RANBP3L: variants seen among roughly 807,000 people sequenced by gnomAD.
RANBP3L encodes ran-binding protein 3-like.
In RANBP3L, 56 loss-of-function variants were observed where a neutral mutation model predicts 67.2. The observed-to-expected ratio is 0.83, with a 90% CI of 0.67 to 1.04. The LOEUF is 1.04. Ranked by LOEUF, RANBP3L falls within the 50% of genes least tolerant of loss-of-function variation. RANBP3L has a pLI of 0.00. For synonymous variants in RANBP3L, 164 were observed against 181.4 expected (o/e 0.90, Z 0.77); for missense variants, 496 against 535.5 (o/e 0.93, Z 0.73).
chr5:36,275,714 A>G (rs1412095219), intron 1 of RANBP3L, among the ~76,000 whole-genome samples: 2 of 152,206 alleles, frequency 1.3e-5, no homozygotes, highest in East Asian at 3.8e-4. Flanking sequence ...GACAAGTGGT[A>G]ACTGACTTTG....
intron 1 of RANBP3L, among the ~76,000 whole-genome samples, chr5:36,291,600 C>G (rs1032773036): frequency 6.6e-6 from 1 of 151,792 alleles, no homozygotes; most frequent in Non-Finnish European, 1.5e-5. Context: ...CTTCCTGTGT[C>G]CATGTGTTTT....
chr5:36,289,444 A>C (rs774923929), intron 1 of RANBP3L, among the ~76,000 whole-genome samples: 5 of 152,176 alleles, frequency 3.3e-5, no homozygotes, highest in Non-Finnish European at 7.4e-5. Flanking sequence ...AATCTGCTGT[A>C]ATTTTTATTG....
chr5:36,291,165 T>C (rs1323290503), intron 1 of RANBP3L, among the ~76,000 whole-genome samples: 1 of 151,866 alleles, frequency 6.6e-6, no homozygotes, highest in Non-Finnish European at 1.5e-5. Flanking sequence ...TCCAGAACTC[T>C]TTTCATCTTG....
chr5:36,271,276 CA>C lies in RANBP3L; in HGVS notation c.126del (p.Phe42LeufsTer49). The C allele has an allele frequency of 6.3e-7, 1 of 1,588,738 alleles. No individual in the cohort carries two copies. The highest frequency in any genetic ancestry group is 8.6e-7 in the Non-Finnish European group (1 of 1,158,874). ...KSVIAQPIFV[F>X]EKGEQTFKRP... ...ACCTTAAAAGTTTGTTCTCCCTTTT[CA>C]AAAACAAATATGGGTTGAGCAATGA... On this transcript the variant is annotated frameshift_variant, in exon 2 of 14. Coordinates refer to ENST00000296604, the MANE Select transcript of RANBP3L (RefSeq NM_145000.5). LOFTEE classifies it high-confidence loss of function.
intron 1 of RANBP3L, among the ~76,000 whole-genome samples, chr5:36,300,229 C>G (rs892011888): frequency 1.6e-4 from 24 of 152,160 alleles, no homozygotes; most frequent in Non-Finnish European, 1.5e-5. Flanking sequence ...TTCTAGGGTA[C>G]TTGGTTCAAA....
chr5:36,251,153 A>T (rs1057024824), intron 13 of RANBP3L, among the ~76,000 whole-genome samples, 160 bp downstream of exon 13: 1 of 152,114 alleles, frequency 6.6e-6, no homozygotes, highest in African/African-American at 2.4e-5. Context: ...GAAGACAGTG[A>T]TTTTCAAACC....
At chr5:36,286,891 T>A (rs1401536981) in intron 1 of RANBP3L, among the ~76,000 whole-genome samples, 2 of 152,192 alleles carry the variant, frequency 1.3e-5, no homozygotes, top group African/African-American at 2.4e-5. Context: ...AGGTCTTCCC[T>A]GAGCACCCTG....
chr5:36,251,946 A>G (rs1406227450), intron 12 of RANBP3L, among the ~76,000 whole-genome samples: 1 of 152,152 alleles, frequency 6.6e-6, no homozygotes, highest in Non-Finnish European at 1.5e-5. Flanking sequence ...GTATTGTACC[A>G]TAAATACAGC....
intron 1 of RANBP3L, among the ~76,000 whole-genome samples, chr5:36,295,164 A>G (rs772121942): frequency 1.8e-4 from 27 of 151,960 alleles, no homozygotes; most frequent in Non-Finnish European, 3.7e-4. Flanking sequence ...GCAGGGTAAC[A>G]TAGTAATTCT....
At chr5:36,256,571 G>A (rs11745827) in intron 10 of RANBP3L, among the ~76,000 whole-genome samples, 48,426 of 151,902 alleles carry the variant, frequency 0.32, 8,967 homozygotes, top group South Asian at 0.49. Context: ...GAAGGAAAAC[G>A]AAATTCTTAT....
At chr5:36,288,660 A>G (rs1392293713) in intron 1 of RANBP3L, among the ~76,000 whole-genome samples, 1 of 152,088 alleles carries the variant, frequency 6.6e-6, no homozygotes, top group Non-Finnish European at 1.5e-5. Context: ...AATTTTAGCC[A>G]TTCTAGTGGA....
chr5:36,262,449 A>T lies in RANBP3L; in HGVS notation c.481-407T>A, dbSNP rs2362979. 3.9e-5 allele frequency among the ~76,000 whole-genome samples: 6 copies of T among 152,146 alleles called. No homozygotes were observed. In the South Asian group the frequency reaches 1.2e-3, roughly 32 times the overall value. On this transcript the variant is annotated intron_variant, in intron 6 of 13. Coordinates refer to ENST00000296604, the MANE Select transcript of RANBP3L (RefSeq NM_145000.5). ...TGGGAAACACCCTAAGAATGTCACC[A>T]TCCTAGTCACCCAATGTGAGAGAAA...
At chr5:36,284,865 TA>T (rs1435360459) in intron 1 of RANBP3L, among the ~76,000 whole-genome samples, 1 of 152,172 alleles carries the variant, frequency 6.6e-6, no homozygotes, top group Non-Finnish European at 1.5e-5. Flanking sequence ...ATATAGAAAT[TA>T]ACCAGTGATT....
intron 1 of RANBP3L, among the ~76,000 whole-genome samples, chr5:36,292,745 G>A (rs1164059027): frequency 6.6e-6 from 1 of 151,984 alleles, no homozygotes; most frequent in Non-Finnish European, 1.5e-5. Flanking sequence ...GCTCTGTTCT[G>A]TTCCATTGAT....
intron 13 of RANBP3L, 120 bp downstream of exon 13, chr5:36,251,193 T>C: frequency 2.7e-6 from 2 of 745,350 alleles, no homozygotes; most frequent in Non-Finnish European, 4.1e-6. Flanking sequence ...ACTAAGGCTC[T>C]AGCCACCACT....
intron 1 of RANBP3L, among the ~76,000 whole-genome samples, chr5:36,291,906 G>A (rs1490492403): frequency 1.5e-5 from 2 of 135,434 alleles, no homozygotes; most frequent in African/African-American, 5.6e-5. Flanking sequence ...AGTCCTTTGG[G>A]TATATACCCA....
intron 9 of RANBP3L, 38 bp from the exon 10 acceptor site, chr5:36,257,109 AT>A (rs776844849): frequency 6.4e-7 from 1 of 1,573,998 alleles, no homozygotes; most frequent in Non-Finnish European, 8.6e-7. Flanking sequence ...AAAAGTCCCC[AT>A]TTTCTCTACT....
chr5:36,261,544 A>G (rs1256066339), intron 7 of RANBP3L, among the ~76,000 whole-genome samples: 1 of 152,214 alleles, frequency 6.6e-6, no homozygotes, highest in Non-Finnish European at 1.5e-5. Flanking sequence ...TTGCAGATTT[A>G]TACTGCTTTC....
Position 36,297,170 on chromosome 5 carries a change from A to G in RANBP3L, c.91+4156T>C, listed in dbSNP as rs76321321. ...ATTTTATATATTATATGTGTTATAT[A>G]CTGTATTCTTATGATAAAATAAGCT... is the stretch of plus-strand genomic sequence containing the variant. On this transcript the variant is annotated intron_variant, in intron 1 of 13. Transcript: ENST00000296604. 6.1e-3 allele frequency among the ~76,000 whole-genome samples: 928 copies of G among 152,282 alleles called. 9 individuals are homozygous for G. Among genetic ancestry groups the G allele is most frequent in the African/African-American group, 0.022 (895 of 41,550 alleles).
Sources: gnomAD v4.1 joint callset for allele counts (sites outside exome capture counted in the v4.1 genomes callset) on GRCh38, gnomAD v4.1.1 for gene constraint, MANE v1.5 for transcripts, NCBI Gene and HGNC (gene_info 2026-07-23, HGNC 2026-07-21) for gene names.